SOD2: variants seen among roughly 807,000 people sequenced by gnomAD.
SOD2 encodes the protein superoxide dismutase 2, also known as superoxide dismutase [Mn], mitochondrial.
Under a neutral mutation model 27.0 loss-of-function variants are expected in SOD2, and 11 were observed. That is an observed-to-expected ratio of 0.41 (90% CI 0.26 to 0.67). SOD2 has a LOEUF of 0.67. Among genes scored for constraint, SOD2 ranks in the 30% least tolerant of loss-of-function variants. The pLI, the probability that SOD2 is intolerant of heterozygous loss-of-function variation, is 0.34. For synonymous variants in SOD2, 105 were observed against 103.0 expected, an observed-to-expected ratio of 1.02 and a Z score of -0.12; for missense variants, 250 against 274.5, an observed-to-expected ratio of 0.91 and a Z score of 0.63.
chr6:159,720,075 G>C (rs1275245545), intron 1 of SOD2, among the ~76,000 whole-genome samples: 1 of 149,176 alleles, frequency 6.7e-6, no homozygotes, highest in Non-Finnish European at 1.5e-5. Context: ...CCGTCTCCCA[G>C]GCTGGAGTGC....
rs577948287 is a variant in SOD2, at chr6:159,734,239, C to G, written c.-116+10891G>C. ...ACATTGCCCGGGCTCGGTTCAAACT[C>G]CTAGGCTCAAGCAGCTCTCCTGCCT... On this transcript the variant is annotated intron_variant, in intron 1 of 3. Transcript: ENST00000537657. 2.6e-5 allele frequency among the ~76,000 whole-genome samples: 4 copies of G among 152,008 alleles called. No homozygotes were observed. The South Asian group carries it at 6.2e-4, about 24-fold the overall frequency.
intron 1 of SOD2, among the ~76,000 whole-genome samples, chr6:159,721,668 G>T (rs867131609): frequency 3.4e-5 from 5 of 148,528 alleles, no homozygotes; most frequent in Non-Finnish European, 5.9e-5. Context: ...GAGCCACTGC[G>T]GCTGACCTTT....
chr6:159,698,431 G>C (rs1421480246), intron 1 of SOD2, among the ~76,000 whole-genome samples: 1 of 151,364 alleles, frequency 6.6e-6, no homozygotes, highest in African/African-American at 2.4e-5. Context: ...AATTAGCCAG[G>C]CATGGTGGCA....
exon 1 of SOD2, chr6:159,761,475 C>T (rs1336644017): frequency 4.4e-6 from 2 of 454,128 alleles, no homozygotes; most frequent in East Asian, 1.4e-4. Context: ...CACCGAGACG[C>T]TCCTAGCAAG....
Position 159,688,235 on chromosome 6 carries a change from A to T in SOD2, c.234T>A (p.Val78=). The T allele has an allele frequency of 1.3e-6, 2 of 1,598,992 alleles. No homozygotes were observed. Among genetic ancestry groups the T allele is most frequent in the Non-Finnish European group, 1.7e-6 (2 of 1,166,258 alleles). Residue 78 remains valine, a synonymous_variant, in exon 3 of 5, where the codon GTT becomes GTA. Coordinates refer to ENST00000538183, the MANE Select transcript of SOD2 (RefSeq NM_000636.4). ...KYQEALAKGD[V]TAQIALQPAL... is the part of the protein sequence containing the mutation. ...CAGGCTGAAGAGCTATCTGGGCTGT[A>T]ACATCTCCTGAAAAGTTAAAATGCA...
upstream of SOD2, among the ~76,000 whole-genome samples, chr6:159,749,849 A>AT (rs1562465881): frequency 6.6e-6 from 1 of 152,180 alleles, no homozygotes; most frequent in Non-Finnish European, 1.5e-5. Context: ...CTGGAGGTGA[A>AT]TTTTTTCCGT....
chr6:159,733,512 C>T (rs1778716979), intron 1 of SOD2, among the ~76,000 whole-genome samples: 2 of 151,960 alleles, frequency 1.3e-5, no homozygotes, highest in African/African-American at 4.8e-5. Context: ...GTCCCAGGTA[C>T]TCGGGAGGCT....
chr6:159,744,524 G>GAT (rs1779453026), intron 1 of SOD2, among the ~76,000 whole-genome samples: 1 of 58,620 alleles, frequency 1.7e-5, no homozygotes, highest in Non-Finnish European at 3.9e-5. Flanking sequence ...TATGGGCACA[G>GAT]TCCTGTTCTG....
upstream of SOD2, chr6:159,727,374 T>TGGCAGGAGGCGAGAGGCGGGA: frequency 9.7e-7 from 1 of 1,032,510 alleles, no homozygotes; most frequent in Non-Finnish European, 1.2e-6. Flanking sequence ...GCGGGGAGGC[T>TGGCAGGAGGCGAGAGGCGGGA]GGCGGGAGGC....
chr6:159,756,706 A>G (rs1360048858), intron 1 of SOD2, among the ~76,000 whole-genome samples: 1 of 149,130 alleles, frequency 6.7e-6, no homozygotes, highest in African/African-American at 2.5e-5. Flanking sequence ...GACTCAAGTG[A>G]TCCTCCCACT....
chr6:159,727,024 G>A, intron 1 of SOD2: 3 of 1,234,686 alleles, frequency 2.4e-6, no homozygotes, highest in Non-Finnish European at 3.1e-6. Context: ...CAGCCCCGCA[G>A]CCGCAGGTGG....
intron 1 of SOD2, among the ~76,000 whole-genome samples, chr6:159,744,402 GTTTC>G (rs1421435868): frequency 6.6e-6 from 1 of 152,138 alleles, no homozygotes; most frequent in Non-Finnish European, 1.5e-5. Context: ...AAATCTGAAT[GTTTC>G]TTCAATTCTT....
chr6:159,687,741 G>T (rs1780257629), intron 3 of SOD2, among the ~76,000 whole-genome samples: 1 of 152,018 alleles, frequency 6.6e-6, no homozygotes, highest in South Asian at 2.1e-4. Flanking sequence ...AGGCACGGTG[G>T]CTCATGCCTG....
intron 1 of SOD2, among the ~76,000 whole-genome samples, chr6:159,722,246 C>A (rs12210868): frequency 0.27 from 41,465 of 151,810 alleles, 5,700 homozygotes; most frequent in East Asian, 0.41. Flanking sequence ...AACACTTAGC[C>A]AGGTATGGTG....
chr6:159,738,079 C>A (rs1161391274), intron 1 of SOD2, among the ~76,000 whole-genome samples: 1 of 152,190 alleles, frequency 6.6e-6, no homozygotes, highest in African/African-American at 2.4e-5. Context: ...AGAGCTTATT[C>A]ACATTTCACG....
chr6:159,743,851 T>G (rs1339366443), intron 1 of SOD2: 1 of 1,486,136 alleles, frequency 6.7e-7, no homozygotes, highest in Non-Finnish European at 9.0e-7. Context: ...TAGTCCACAT[T>G]ATTACATGTT....
At chr6:159,691,692 C>T (rs1321264429) in intron 2 of SOD2, 1 of 149,936 alleles carries the variant, frequency 6.7e-6, no homozygotes, top group Non-Finnish European at 1.5e-5. Context: ...TCAAAAAGTC[C>T]ACATACCCCT....
At chr6:159,742,118 T>G in intron 1 of SOD2, 1 of 1,608,346 alleles carries the variant, frequency 6.2e-7, no homozygotes. Flanking sequence ...ATGTACAAGC[T>G]TTGGAGGGCA....
intron 1 of SOD2, among the ~76,000 whole-genome samples, chr6:159,704,863 G>T (rs1034980896): frequency 6.6e-6 from 1 of 152,204 alleles, no homozygotes; most frequent in African/African-American, 2.4e-5. Flanking sequence ...AGCCTAACTG[G>T]GAGGCACCCC....
Sources: gnomAD v4.1 joint callset for allele counts (sites outside exome capture counted in the v4.1 genomes callset) on GRCh38, gnomAD v4.1.1 for gene constraint, MANE v1.5 for transcripts, NCBI Gene and HGNC (gene_info 2026-07-23, HGNC 2026-07-21) for gene names.